The following ATG16L1 variants were observed in gnomAD, a reference collection of about 807,000 sequenced individuals.
ATG16L1 encodes autophagy related 16 like 1.
In ATG16L1, 37 loss-of-function variants were observed where a neutral mutation model predicts 88.5. The observed-to-expected ratio is 0.42, with a 90% CI of 0.32 to 0.55. ATG16L1 has a LOEUF of 0.55. ATG16L1 is among the 20% of genes least tolerant of loss of function. ATG16L1 has a pLI of 0.13. For missense variants in ATG16L1, 554 were observed against 752.8 expected (o/e 0.74, Z 3.09); for synonymous variants, 301 against 281.0 (o/e 1.07, Z -0.71).
intron 4 of ATG16L1, 130 bp downstream of exon 4, chr2:233,264,195 T>A: frequency 1.2e-6 from 1 of 858,224 alleles, no homozygotes; most frequent in Non-Finnish European, 1.9e-6. Context: ...TGATTTTCAG[T>A]GCATACACAC....
At chr2:233,263,273 C>T (rs1242999424) in intron 3 of ATG16L1, 38 bp downstream of exon 3, 3 of 1,574,710 alleles carry the variant, frequency 1.9e-6, no homozygotes, top group Non-Finnish European at 2.6e-6. Flanking sequence ...CTTCTGCCCT[C>T]TATGAGAGTC....
At position 233,251,903 on chromosome 2, in the gene ATG16L1, C is replaced by A; in HGVS notation, c.76C>A (p.Arg26=). 1 of 1,550,774 alleles carries A rather than the reference C, an allele frequency of 6.4e-7. No homozygotes were observed. Among genetic ancestry groups the A allele is most frequent in the South Asian group, 1.2e-5 (1 of 84,070 alleles). The change falls in exon 1 of 18, where the codon CGG becomes AGG. Residue 26 remains arginine (R), a synonymous_variant. Transcript: ENST00000392017. ...HISEQLRRRD[R]LQRQAFEEII... is the part of the protein sequence containing the mutation. ...CTCGGAGCAACTGAGGCGCCGGGAC[C>A]GGCTGCAGAGACAGGCGTTCGAGGA...
At chr2:233,276,566 G>A (rs1467630971) in intron 9 of ATG16L1, among the ~76,000 whole-genome samples, 13 of 152,134 alleles carry the variant, frequency 8.5e-5, no homozygotes, top group African/African-American at 3.1e-4. Flanking sequence ...TCTCAACCTT[G>A]GGCTGAAGCA....
chr2:233,273,998 G>T lies in ATG16L1; in HGVS notation c.851+221G>T, dbSNP rs1207620809. ...TCTGGCCTTTCCCTTTAGTCTGTCCGAGTCTCCCCTTTTGGGACATCATTC... is the reference window on the plus strand; with the variant it reads ...TCTGGCCTTTCCCTTTAGTCTGTCCTAGTCTCCCCTTTTGGGACATCATTC... On this transcript the variant is annotated intron_variant, in intron 8 of 17. Transcript: ENST00000392017. 4.5e-6 allele frequency: 7 copies of T among 1,550,988 alleles called. No individual in the cohort carries two copies. The East Asian group carries it at 1.7e-4, about 38-fold the overall frequency.
At chr2:233,290,141 C>T in intron 13 of ATG16L1, 107 bp from the exon 14 acceptor site, 1 of 1,504,810 alleles carries the variant, frequency 6.6e-7, no homozygotes, top group Non-Finnish European at 9.2e-7. Flanking sequence ...TTTAAAGCTT[C>T]ATTTAAGTGA....
chr2:233,275,670 C>A, intron 9 of ATG16L1: 1 of 503,068 alleles, frequency 2.0e-6, no homozygotes, highest in Non-Finnish European at 4.0e-6. Flanking sequence ...CGCATCAACG[C>A]CCCTTCCCAG....
rs529336121 is a variant in ATG16L1, at chr2:233,253,059, C to T, written c.115+1117C>T. ...CAGACCAACTAAATCACAAGTATCA[C>T]AGTACACAAGTATCAGTGTGTGTGT... On this transcript the variant is annotated intron_variant, in intron 1 of 17. Coordinates refer to ENST00000392017, the MANE Select transcript of ATG16L1 (RefSeq NM_030803.7). 7.9e-5 allele frequency among the ~76,000 whole-genome samples: 12 copies of T among 152,270 alleles called. No homozygotes were observed. In the South Asian group the frequency reaches 2.5e-3, roughly 32 times the overall value.
intron 2 of ATG16L1, among the ~76,000 whole-genome samples, chr2:233,257,867 T>C (rs2125204419): frequency 6.6e-6 from 1 of 152,132 alleles, no homozygotes; most frequent in Middle Eastern, 3.4e-3. Flanking sequence ...TAGCCGGGCA[T>C]GGTGGCGGGC....
intron 5 of ATG16L1, chr2:233,266,075 C>T (rs1219678609): frequency 6.6e-6 from 1 of 152,136 alleles, no homozygotes; most frequent in East Asian, 1.9e-4. Flanking sequence ...GGCCAACCAA[C>T]CATTGAAAAG....
At chr2:233,266,422 G>C (rs530103464) in intron 5 of ATG16L1, among the ~76,000 whole-genome samples, 1 of 152,242 alleles carries the variant, frequency 6.6e-6, no homozygotes, top group Middle Eastern at 3.4e-3. Flanking sequence ...TTGTGCCACT[G>C]CATTCCAGCC....
At chr2:233,256,273 T>A in intron 2 of ATG16L1, 78 bp downstream of exon 2, 1 of 1,223,878 alleles carries the variant, frequency 8.2e-7, no homozygotes, top group Non-Finnish European at 1.2e-6. Flanking sequence ...TTCTCTAATT[T>A]AAAAGCAAAT....
intron 8 of ATG16L1, chr2:233,274,134 T>C (rs1574871695): frequency 7.6e-7 from 1 of 1,321,604 alleles, no homozygotes; most frequent in East Asian, 2.5e-5. Context: ...TCATCAGATG[T>C]TCACGTGCTA....
chr2:233,292,302 T>C (rs199962069), intron 15 of ATG16L1, 25 bp downstream of exon 15: 2 of 1,613,678 alleles, frequency 1.2e-6, no homozygotes, highest in African/African-American at 2.7e-5. Context: ...GCTGGTTGCA[T>C]GAAGACCAGA....
chr2:233,294,100 G>A (rs1479232556), intron 17 of ATG16L1, among the ~76,000 whole-genome samples, 157 bp from the exon 18 acceptor site: 2 of 152,228 alleles, frequency 1.3e-5, no homozygotes, highest in African/African-American at 4.8e-5. Flanking sequence ...TTGCATGTTA[G>A]TGAGCTCCTG....
At chr2:233,284,297 T>C (rs1172477873) in intron 12 of ATG16L1, among the ~76,000 whole-genome samples, 1 of 151,604 alleles carries the variant, frequency 6.6e-6, no homozygotes, top group African/African-American at 2.4e-5. Context: ...ACATGCATCC[T>C]CCACCACGCC....
At chr2:233,273,879 G>T in intron 8 of ATG16L1, 102 bp downstream of exon 8, 1 of 1,511,288 alleles carries the variant, frequency 6.6e-7, no homozygotes, top group Non-Finnish European at 9.1e-7. Context: ...TGTCAGTGAT[G>T]CAGAGTATAC....
chr2:233,274,098 G>C, intron 8 of ATG16L1: 3 of 1,467,362 alleles, frequency 2.0e-6, no homozygotes, highest in Non-Finnish European at 2.8e-6. Flanking sequence ...TAACAATTAT[G>C]CCAATCACCG....
At chr2:233,279,276 A>G (rs113243904) in intron 10 of ATG16L1, among the ~76,000 whole-genome samples, 23 of 152,300 alleles carry the variant, frequency 1.5e-4, no homozygotes, top group Non-Finnish European at 2.9e-4. Flanking sequence ...TAACACTAGA[A>G]ATATTTTCGT....
In ATG16L1 at chr2:233,257,580, A is replaced by G. The variant is rs537963245; in HGVS notation, c.209+1385A>G. 2.6e-5 allele frequency among the ~76,000 whole-genome samples: 4 copies of G among 152,352 alleles called. No homozygotes were observed. In the East Asian group the frequency reaches 7.7e-4, roughly 29 times the overall value. The stretch of plus-strand genomic sequence containing the variant: ...ATTGAATGTATTTTCAACCTACTAT[A>G]TATTTTCAACTTCTGATGGGTTTAA... On this transcript the variant is annotated intron_variant, in intron 2 of 17. Transcript: ENST00000392017.
Sources: allele counts gnomAD v4.1 joint callset (sites outside exome capture counted in the v4.1 genomes callset), GRCh38; gene constraint gnomAD v4.1.1; transcripts MANE v1.5; gene names NCBI Gene and HGNC (gene_info 2026-07-23, HGNC 2026-07-21).